The following MYOM1 variants were observed in gnomAD, a reference collection of about 807,000 sequenced individuals.
The protein encoded by MYOM1 is myomesin 1.
A neutral mutation model predicts 205.3 loss-of-function variants in MYOM1; 164 were observed. That is an observed-to-expected ratio of 0.80 (90% CI 0.70 to 0.91). The LOEUF is 0.91. Ranked by LOEUF, MYOM1 falls within the 40% of genes least tolerant of loss-of-function variation. The pLI, the probability that MYOM1 is intolerant of heterozygous loss-of-function variation, is 0.00. For synonymous variants in MYOM1, 772 were observed against 789.4 expected, an observed-to-expected ratio of 0.98 and a Z score of 0.37; for missense variants, 2,011 against 2,127.3, an observed-to-expected ratio of 0.95 and a Z score of 1.08.
the MYOM1 span, among the ~76,000 whole-genome samples, chr18:3,227,734 G>A: frequency 2.0e-5 from 3 of 152,036 alleles, no homozygotes; most frequent in African/African-American, 4.8e-5. Context: ...CAGGAGAATC[G>A]CTTGAACCCA....
In MYOM1 at chr18:3,197,833, A is replaced by C. The variant is rs4299241; in HGVS notation, c.291-3875T>G. On this transcript the variant is annotated intron_variant, in intron 2 of 37. Transcript: ENST00000356443. The stretch of plus-strand genomic sequence containing the variant: ...GCTTGCAGTGAGCCGAGATCGCACC[A>C]CTGCACTCTGGCCTGGGTGACAGAG... 3.5e-3 allele frequency among the ~76,000 whole-genome samples: 527 copies of C among 152,226 alleles called. 4 individuals are homozygous for C. The highest frequency in any genetic ancestry group is 0.012 in the African/African-American group (502 of 41,508).
At chr18:3,210,355 A>G (rs1309347945) in intron 2 of MYOM1, among the ~76,000 whole-genome samples, 3 of 152,210 alleles carry the variant, frequency 2.0e-5, no homozygotes, top group African/African-American at 4.8e-5. Flanking sequence ...TCAAGAGGTT[A>G]TAATCTGGGT....
chr18:3,165,850 C>T (rs1326307474), intron 9 of MYOM1, among the ~76,000 whole-genome samples: 1 of 152,204 alleles, frequency 6.6e-6, no homozygotes, highest in African/African-American at 2.4e-5. Context: ...GGTGCCACCA[C>T]CATTGCTAAT....
intron 37 of MYOM1, among the ~76,000 whole-genome samples, chr18:3,069,882 G>T (rs1363577433): frequency 6.6e-6 from 1 of 152,140 alleles, no homozygotes; most frequent in Admixed American, 6.6e-5. Flanking sequence ...ACCTTATTAG[G>T]TGAGGAAAAT....
At chr18:3,241,210 G>A in the MYOM1 span, among the ~76,000 whole-genome samples, 1 of 152,164 alleles carries the variant, frequency 6.6e-6, no homozygotes, top group Non-Finnish European at 1.5e-5. Flanking sequence ...CAAGACAATG[G>A]GGAAAATATT....
intron 36 of MYOM1, among the ~76,000 whole-genome samples, chr18:3,072,348 G>A (rs929067806): frequency 3.2e-3 from 213 of 66,364 alleles, no homozygotes; most frequent in Non-Finnish European, 3.9e-3. Context: ...CACCGCACCC[G>A]GCTTTTTTTT....
chr18:3,101,784 C>T lies in MYOM1; in HGVS notation c.3575+690G>A, dbSNP rs538545796. Among the ~76,000 whole-genome samples, 4 of 152,106 alleles carry T rather than the reference C, an allele frequency of 2.6e-5. No homozygotes were observed. In the South Asian group the frequency reaches 8.3e-4, roughly 32 times the overall value. On this transcript the variant is annotated intron_variant, in intron 23 of 37. Transcript: ENST00000356443. ...TATGTCAATTGAATGTTTCTAATAG[C>T]ATAAATGAGATAATAAATAAGAAAG...
At chr18:3,191,605 T>C (rs940806236) in intron 3 of MYOM1, among the ~76,000 whole-genome samples, 9 of 152,152 alleles carry the variant, frequency 5.9e-5, no homozygotes, top group African/African-American at 2.2e-4. Flanking sequence ...ATGTTATTTT[T>C]GACACAGTAA....
chr18:3,108,088 G>A (rs6506063), intron 22 of MYOM1, among the ~76,000 whole-genome samples: 33,246 of 151,994 alleles, frequency 0.22, 3,864 homozygotes, highest in African/African-American at 0.28. Context: ...TTTCCCCATT[G>A]TAGGCATCTT....
At chr18:3,080,772 G>T (rs978593274) in intron 33 of MYOM1, among the ~76,000 whole-genome samples, 1 of 151,874 alleles carries the variant, frequency 6.6e-6, no homozygotes, top group Non-Finnish European at 1.5e-5. Flanking sequence ...TATCTAAAAA[G>T]ATATTAAAAA....
At position 3,206,198 on chromosome 18, in the gene MYOM1, C is replaced by G. The variant is rs180878431; in HGVS notation, c.290+8736G>C. Among the ~76,000 whole-genome samples the G allele has an allele frequency of 1.8e-4, 28 of 152,312 alleles. No homozygotes were observed. The East Asian group carries it at 5.2e-3, about 28-fold the overall frequency. On this transcript the variant is annotated intron_variant, in intron 2 of 37. Coordinates refer to ENST00000356443, the MANE Select transcript of MYOM1 (RefSeq NM_003803.4). ...AGCTCTGTTTTTAATGCTGACTTAT[C>G]TATGTGTTTTCATTAGGCTTTACTG...
Position 3,093,207 on chromosome 18 carries a change from A to T in MYOM1, c.3864+963T>A, listed in dbSNP as rs1002353152. On this transcript the variant is annotated intron_variant, in intron 26 of 37. Transcript: ENST00000356443. ...AAGTCCTCAAATGTTTTAAAAATAC[A>T]TCTCAGTGAAAAGGGAAAGGGTTGC... 2.2e-4 allele frequency among the ~76,000 whole-genome samples: 33 copies of T among 152,288 alleles called. 1 individual carries two copies. Among genetic ancestry groups the T allele is most frequent in the African/African-American group, 7.2e-4 (30 of 41,562 alleles).
intron 2 of MYOM1, among the ~76,000 whole-genome samples, chr18:3,196,262 A>G (rs2080989344): frequency 1.3e-5 from 2 of 152,230 alleles, no homozygotes; most frequent in Non-Finnish European, 2.9e-5. Flanking sequence ...GTCATGATCC[A>G]TGAACTCTGA....
In MYOM1 at chr18:3,134,630, T is replaced by C. The variant is rs758176036; in HGVS notation, c.2384+20A>G. ...CAGCTCCAGAGGCCATTGCCCGCCC[T>C]GCACACCCGACTGAGTTACCGTGAG... On this transcript the variant is annotated intron_variant, in intron 16 of 37. Coordinates refer to ENST00000356443, the MANE Select transcript of MYOM1 (RefSeq NM_003803.4). The C allele has an allele frequency of 8.1e-6, 13 of 1,598,952 alleles. No homozygotes were observed. The East Asian group carries it at 2.2e-4, about 28-fold the overall frequency.
chr18:3,119,385 C>T (rs578016693), intron 20 of MYOM1, among the ~76,000 whole-genome samples: 158 of 152,208 alleles, frequency 1.0e-3, no homozygotes, highest in African/African-American at 3.4e-3. Context: ...GCCTAAGAAG[C>T]CACATAGCTT....
chr18:3,173,324 C>G (rs886773561), intron 8 of MYOM1, among the ~76,000 whole-genome samples: 1 of 151,338 alleles, frequency 6.6e-6, no homozygotes, highest in Non-Finnish European at 1.5e-5. Flanking sequence ...TATTGAATAC[C>G]CACTCTGTGG....
intron 34 of MYOM1, 90 bp downstream of exon 34, chr18:3,079,089 A>C: frequency 7.3e-7 from 1 of 1,374,170 alleles, no homozygotes; most frequent in South Asian, 1.3e-5. Context: ...TTGGGATTAC[A>C]GGCATAAGCC....
At chr18:3,109,310 C>T (rs1383895402) in intron 22 of MYOM1, among the ~76,000 whole-genome samples, 3 of 152,146 alleles carry the variant, frequency 2.0e-5, no homozygotes, top group East Asian at 3.9e-4. Flanking sequence ...TATCCCACAA[C>T]TTAGCTGAGG....
chr18:3,230,594 T>C, the MYOM1 span, among the ~76,000 whole-genome samples: 1 of 152,332 alleles, frequency 6.6e-6, no homozygotes, highest in Middle Eastern at 3.4e-3. Context: ...GCATAGGGTG[T>C]AACTTTGTAA....
Sources: allele counts gnomAD v4.1 joint callset (sites outside exome capture counted in the v4.1 genomes callset), GRCh38; gene constraint gnomAD v4.1.1; transcripts MANE v1.5; gene names NCBI Gene and HGNC (gene_info 2026-07-23, HGNC 2026-07-21).